Variants in PPARGC1A observed in about 807,000 individuals in gnomAD.
PPARGC1A encodes PPARG coactivator 1 alpha.
PPARGC1A carries 25 observed loss-of-function variants against 88.7 expected under a neutral mutation model. That is an observed-to-expected ratio of 0.28 (90% CI 0.21 to 0.39). The LOEUF (loss-of-function observed/expected upper bound fraction) is 0.39. Among genes scored for constraint, PPARGC1A ranks in the 10% least tolerant of loss-of-function variants. The pLI is 1.00. For missense variants in PPARGC1A, 880 were observed against 968.7 expected (o/e 0.91, Z 1.22); for synonymous variants, 363 against 355.6 (o/e 1.02, Z -0.24).
the PPARGC1A span, among the ~76,000 whole-genome samples, chr4:24,117,314 G>A: frequency 6.6e-6 from 1 of 152,076 alleles, no homozygotes; most frequent in African/African-American, 2.4e-5. Flanking sequence ...AACACTGTCT[G>A]GTGGCTGTGA....
intron 7 of PPARGC1A, among the ~76,000 whole-genome samples, chr4:23,817,398 C>T (rs560799012): frequency 1.3e-5 from 2 of 152,214 alleles, no homozygotes; most frequent in East Asian, 1.9e-4. Context: ...AACAGACATT[C>T]GTTGAACACC....
chr4:23,891,957 G>T (rs960951300), upstream of PPARGC1A, among the ~76,000 whole-genome samples: 1 of 152,076 alleles, frequency 6.6e-6, no homozygotes, highest in Non-Finnish European at 1.5e-5. Context: ...TGCCCTCAAG[G>T]ATCAACTGTG....
the PPARGC1A span, among the ~76,000 whole-genome samples, chr4:24,175,274 C>T: frequency 6.6e-6 from 1 of 151,878 alleles, no homozygotes; most frequent in East Asian, 1.9e-4. Context: ...ATGGCCCATC[C>T]CTGTTATCAA....
the PPARGC1A span, among the ~76,000 whole-genome samples, chr4:24,296,591 CATG>C: frequency 6.6e-6 from 1 of 152,052 alleles, no homozygotes; most frequent in East Asian, 1.9e-4. Flanking sequence ...GGTTGGTGGC[CATG>C]ATGTTTGTGA....
chr4:24,024,426 C>T, the PPARGC1A span, among the ~76,000 whole-genome samples: 2 of 152,350 alleles, frequency 1.3e-5, no homozygotes, highest in South Asian at 4.1e-4. Context: ...GCTTACTTCA[C>T]ATGAAGCAGT....
the PPARGC1A span, among the ~76,000 whole-genome samples, chr4:23,917,381 T>C: frequency 3.3e-5 from 5 of 151,034 alleles, no homozygotes; most frequent in African/African-American, 4.8e-5. Context: ...TCTTTCTTTT[T>C]TTTTTTTTTT....
chr4:24,112,021 A>G, the PPARGC1A span, among the ~76,000 whole-genome samples: 1 of 152,122 alleles, frequency 6.6e-6, no homozygotes, highest in East Asian at 1.9e-4. Flanking sequence ...CAAACAATAG[A>G]ATAAAGCCTT....
chr4:24,056,370 G>A, the PPARGC1A span, among the ~76,000 whole-genome samples: 5 of 152,146 alleles, frequency 3.3e-5, no homozygotes, highest in African/African-American at 1.2e-4. Context: ...ATGGCATGGA[G>A]AATAAATTAT....
the PPARGC1A span, among the ~76,000 whole-genome samples, chr4:24,221,067 T>C: frequency 2.0e-5 from 3 of 152,122 alleles, no homozygotes; most frequent in Non-Finnish European, 4.4e-5. Context: ...ACAAAATAAA[T>C]CGTAATTCAT....
At chr4:24,207,310 T>G in the PPARGC1A span, among the ~76,000 whole-genome samples, 1 of 152,308 alleles carries the variant, frequency 6.6e-6, no homozygotes, top group South Asian at 2.1e-4. Flanking sequence ...GCATGCATAC[T>G]TATGTACACA....
the PPARGC1A span, among the ~76,000 whole-genome samples, chr4:24,355,292 C>T: frequency 1.9e-4 from 29 of 152,198 alleles, no homozygotes; most frequent in African/African-American, 2.7e-4. Context: ...ACTTTCAAAC[C>T]GAGCTAAGCA....
At chr4:24,173,991 T>C in the PPARGC1A span, among the ~76,000 whole-genome samples, 1 of 152,280 alleles carries the variant, frequency 6.6e-6, no homozygotes, top group Middle Eastern at 3.4e-3. Flanking sequence ...TTAGAATACA[T>C]TTGAGGACCT....
the PPARGC1A span, among the ~76,000 whole-genome samples, chr4:24,040,274 T>G: frequency 1.3e-5 from 2 of 152,204 alleles, no homozygotes; most frequent in African/African-American, 2.4e-5. Flanking sequence ...ATTTGTAGAC[T>G]CTGCATTTTA....
the PPARGC1A span, among the ~76,000 whole-genome samples, chr4:24,156,494 GAGA>G: frequency 1.3e-5 from 2 of 152,216 alleles, no homozygotes; most frequent in African/African-American, 2.4e-5. Flanking sequence ...TCAAGGGGTG[GAGA>G]AGATCAATCA....
At chr4:24,448,959 C>G in the PPARGC1A span, among the ~76,000 whole-genome samples, 308 of 152,246 alleles carry the variant, frequency 2.0e-3, 4 homozygotes, top group East Asian at 0.038. Flanking sequence ...CACATAGACC[C>G]TGTTACAAGA....
chr4:23,885,059 C>T, intron 1 of PPARGC1A, 128 bp from the exon 2 acceptor site: 1 of 759,482 alleles, frequency 1.3e-6, no homozygotes. Flanking sequence ...TAGTTTCTGG[C>T]ACTTTAATCA....
chr4:24,242,258 G>A, the PPARGC1A span, among the ~76,000 whole-genome samples: 3 of 152,186 alleles, frequency 2.0e-5, no homozygotes, highest in Admixed American at 6.5e-5. Context: ...CTTCAGGACA[G>A]AGCCCAACAC....
chr4:24,389,902 AG>A, the PPARGC1A span, among the ~76,000 whole-genome samples: 1 of 152,268 alleles, frequency 6.6e-6, no homozygotes, highest in Middle Eastern at 3.4e-3. Context: ...TTAGAGAAAA[AG>A]GTCTAAATAG....
At chr4:24,141,658 G>A in the PPARGC1A span, among the ~76,000 whole-genome samples, 1 of 152,168 alleles carries the variant, frequency 6.6e-6, no homozygotes, top group African/African-American at 2.4e-5. Flanking sequence ...GACCATCGAG[G>A]CATCGAAAAT....
Sources: gnomAD v4.1 joint callset for allele counts (sites outside exome capture counted in the v4.1 genomes callset) on GRCh38, gnomAD v4.1.1 for gene constraint, MANE v1.5 for transcripts, NCBI Gene and HGNC (gene_info 2026-07-23, HGNC 2026-07-21) for gene names.